The following ZNF892 variants were observed in gnomAD, a reference collection of about 807,000 sequenced individuals.
ZNF892 encodes the protein zinc finger protein 892.
At chr2:95,211,833 C>T in the ZNF892 span, 2 of 397,126 alleles carry the variant, frequency 5.0e-6, no homozygotes, top group African/African-American at 4.1e-5. Flanking sequence ...TCTAGTAGGG[C>T]CTGAGACAGG....
the ZNF892 span, among the ~76,000 whole-genome samples, chr2:95,231,883 C>T: frequency 2.0e-5 from 3 of 152,206 alleles, no homozygotes; most frequent in African/African-American, 7.2e-5. Flanking sequence ...CTGGTGCTCT[C>T]TGGAGCAGCT....
chr2:95,221,290 G>T, the ZNF892 span, among the ~76,000 whole-genome samples: 2 of 152,186 alleles, frequency 1.3e-5, no homozygotes, highest in Non-Finnish European at 1.5e-5. Context: ...GAATATAATG[G>T]AATGAGGCTT....
chr2:95,215,541 T>C, the ZNF892 span: 2 of 409,594 alleles, frequency 4.9e-6, no homozygotes, highest in Middle Eastern at 4.3e-4. Flanking sequence ...AACCAAGAAA[T>C]ATGTCCAAGC....
the ZNF892 span, among the ~76,000 whole-genome samples, chr2:95,248,077 A>T: frequency 1.3e-5 from 2 of 152,238 alleles, no homozygotes; most frequent in Non-Finnish European, 2.9e-5. Flanking sequence ...ACAAAGACAC[A>T]GAATCAGACT....
chr2:95,230,849 G>A, the ZNF892 span, among the ~76,000 whole-genome samples: 3 of 152,214 alleles, frequency 2.0e-5, no homozygotes, highest in African/African-American at 7.2e-5. Context: ...CCATTTTAAA[G>A]TGTGGGGAGT....
the ZNF892 span, chr2:95,215,062 G>T: frequency 2.0e-6 from 1 of 510,190 alleles, no homozygotes; most frequent in Non-Finnish European, 3.5e-6. Flanking sequence ...AAGGCCTTCA[G>T]CCAAAGCACA....
chr2:95,223,034 A>G, the ZNF892 span, among the ~76,000 whole-genome samples: 10 of 152,200 alleles, frequency 6.6e-5, no homozygotes, highest in African/African-American at 2.4e-4. Context: ...CCTTTTGTCA[A>G]CAATTGATTG....
chr2:95,207,158 A>T, the ZNF892 span, among the ~76,000 whole-genome samples: 1 of 152,356 alleles, frequency 6.6e-6, no homozygotes, highest in Admixed American at 6.5e-5. Context: ...GGGCCGATGC[A>T]TGGAGGCGCA....
At chr2:95,243,341 T>C in the ZNF892 span, among the ~76,000 whole-genome samples, 1 of 147,598 alleles carries the variant, frequency 6.8e-6, no homozygotes, top group Non-Finnish European at 1.5e-5. Context: ...CCCCTCTGCC[T>C]GGCTGCCCAG....
chr2:95,246,116 A>G, the ZNF892 span, among the ~76,000 whole-genome samples: 1 of 152,210 alleles, frequency 6.6e-6, no homozygotes, highest in African/African-American at 2.4e-5. Context: ...AAAATCCTCA[A>G]TAAAATACTG....
At chr2:95,230,843 T>G in the ZNF892 span, among the ~76,000 whole-genome samples, 1 of 152,220 alleles carries the variant, frequency 6.6e-6, no homozygotes, top group African/African-American at 2.4e-5. Context: ...GCATTTCCAT[T>G]TTAAAGTGTG....
the ZNF892 span, among the ~76,000 whole-genome samples, chr2:95,240,994 T>A: frequency 6.6e-6 from 1 of 152,342 alleles, no homozygotes; most frequent in Non-Finnish European, 1.5e-5. Flanking sequence ...AACAGAGCTC[T>A]GATCTCTCCC....
the ZNF892 span, among the ~76,000 whole-genome samples, chr2:95,234,084 C>T: frequency 1.3e-5 from 2 of 152,208 alleles, no homozygotes; most frequent in South Asian, 2.1e-4. Context: ...AGTGCAGGCG[C>T]GATCTCGGCT....
At chr2:95,212,348 C>G in the ZNF892 span, 2 of 398,016 alleles carry the variant, frequency 5.0e-6, no homozygotes, top group Non-Finnish European at 8.9e-6. Flanking sequence ...GAGGAGGAGC[C>G]TGTCCAGATT....
the ZNF892 span, among the ~76,000 whole-genome samples, chr2:95,218,842 G>C: frequency 2.0e-5 from 3 of 152,140 alleles, no homozygotes; most frequent in Non-Finnish European, 4.4e-5. Flanking sequence ...AGAGAAATTG[G>C]ATTGGGACCC....
chr2:95,258,445 G>A, the ZNF892 span, among the ~76,000 whole-genome samples: 4 of 152,156 alleles, frequency 2.6e-5, no homozygotes, highest in Non-Finnish European at 5.9e-5. Context: ...TTGAAACTAA[G>A]GGTGCCAAAT....
the ZNF892 span, among the ~76,000 whole-genome samples, chr2:95,214,184 A>T: frequency 6.6e-6 from 1 of 152,096 alleles, no homozygotes; most frequent in Non-Finnish European, 1.5e-5. Context: ...CAAGATTGCA[A>T]GACTATTTTT....
At chr2:95,210,285 G>A in the ZNF892 span, among the ~76,000 whole-genome samples, 1 of 150,818 alleles carries the variant, frequency 6.6e-6, no homozygotes, top group East Asian at 1.9e-4. Context: ...ATATTCAAGG[G>A]GCTCTGGCCC....
chr2:95,254,137 A>G, the ZNF892 span, among the ~76,000 whole-genome samples: 3 of 152,150 alleles, frequency 2.0e-5, no homozygotes, highest in African/African-American at 7.2e-5. Flanking sequence ...AGTGGTGAGA[A>G]AGGGCATCTC....
Sources: gnomAD v4.1 joint callset for allele counts (sites outside exome capture counted in the v4.1 genomes callset) on GRCh38, gnomAD v4.1.1 for gene constraint, MANE v1.5 for transcripts, NCBI Gene and HGNC (gene_info 2026-07-23, HGNC 2026-07-21) for gene names.